The following PPARA variants were observed in gnomAD, a reference collection of about 807,000 sequenced individuals.
PPARA encodes the protein peroxisome proliferator-activated receptor alpha.
PPARA carries 22 observed loss-of-function variants against 42.2 expected under a neutral mutation model. The observed-to-expected ratio is 0.52, with a 90% CI of 0.37 to 0.74. PPARA has a LOEUF of 0.74. Ranked by LOEUF, PPARA falls within the 30% of genes least tolerant of loss-of-function variation. The pLI is 0.00. For synonymous variants in PPARA, 242 were observed against 239.3 expected, an observed-to-expected ratio of 1.01 and a Z score of -0.10; for missense variants, 465 against 608.2, an observed-to-expected ratio of 0.76 and a Z score of 2.48.
Position 46,241,151 on chromosome 22 carries a change from G to T in PPARA, c.*5771G>T, listed in dbSNP as rs1936360618. 1.3e-5 allele frequency: 2 copies of T among 152,246 alleles called. No individual in the cohort carries two copies. Among genetic ancestry groups the T allele is most frequent in the African/African-American group, 4.8e-5 (2 of 41,466 alleles). 9.4% of individuals were successfully genotyped at this position (152,246 alleles called of 1,614,324 possible). On this transcript the variant is annotated 3_prime_UTR_variant, in exon 9 of 9. Coordinates refer to ENST00000407236, the MANE Select transcript of PPARA (RefSeq NM_005036.6). The surrounding 1 kb of genome is among the most constrained non-coding windows in gnomAD (Gnocchi z 5.7). The stretch of plus-strand genomic sequence containing the variant: ...CTTTGCCCAGGGCATGTACTCCCCT[G>T]AGAGGCCTTCTGCCTAGAAAGATCT...
rs1479204382 is a variant in PPARA at position 46,182,539 on chromosome 22, G to C, written c.-43+5703G>C. Among the ~76,000 whole-genome samples the C allele has an allele frequency of 6.6e-6, 1 of 152,222 alleles. No individual in the cohort carries two copies. The highest frequency in any genetic ancestry group is 1.5e-5 in the Non-Finnish European group (1 of 68,044). On this transcript the variant is annotated intron_variant, in intron 3 of 8. Transcript: ENST00000407236. The surrounding 1 kb of genome is among the most constrained non-coding windows in gnomAD (Gnocchi z 5.2). ...ATCTGTAATGACAGGAAGCAGACCA[G>C]TGACAGTGGGCATGGAGGGGCAAGA...
Position 46,211,265 on chromosome 22 carries a change from C to T in PPARA, c.209-3908C>T, listed in dbSNP as rs753377799. On this transcript the variant is annotated intron_variant, in intron 4 of 8. Transcript: ENST00000407236. This position sits in a 1 kb window ranked among gnomAD's most constrained non-coding sequence, Gnocchi z 4.1. ...TCTGTTACCAGATGGATCGTTCTAG[C>T]CTCCTCCACTTGCCTACCTGTCAAT... Among the ~76,000 whole-genome samples the T allele has an allele frequency of 3.3e-5, 5 of 152,184 alleles. No homozygotes were observed. Among genetic ancestry groups the T allele is most frequent in the Non-Finnish European group, 2.9e-5 (2 of 68,040 alleles).
chr22:46,213,771 A>G (rs1934174234), intron 4 of PPARA, among the ~76,000 whole-genome samples: 1 of 151,918 alleles, frequency 6.6e-6, no homozygotes, highest in African/African-American at 2.4e-5. Flanking sequence ...TTGTGTTTTT[A>G]GTAGAGACGG....
At position 46,176,992 on chromosome 22, in the gene PPARA, C is replaced by T. The variant is rs541629520; in HGVS notation, c.-43+156C>T. On this transcript the variant is annotated intron_variant, in intron 3 of 8. Transcript: ENST00000407236. ...TTGGGGGGCCAAGGCGGGCAGATCA[C>T]GAGGTTAGGAGATTGAGACCATCCT... Among the ~76,000 whole-genome samples the T allele has an allele frequency of 1.5e-3, 224 of 152,284 alleles. 1 individual carries two copies. Among genetic ancestry groups the T allele is most frequent in the South Asian group, 2.9e-3 (14 of 4,822 alleles).
rs1666290715 is a variant in PPARA at position 46,205,547 on chromosome 22, TA to T, written c.208+6957del. Among the ~76,000 whole-genome samples the T allele has an allele frequency of 4.8e-3, 177 of 37,032 alleles. 1 individual carries two copies. Among genetic ancestry groups the T allele is most frequent in the Non-Finnish European group, 6.3e-3 (124 of 19,738 alleles). The allele number at this position is 37,032 out of a possible 152,430, so 24.3% of individuals were successfully genotyped here. A position where few individuals can be genotyped will look rare whatever the true frequency, so the allele number is the denominator to read the frequency against. On this transcript the variant is annotated intron_variant, in intron 4 of 8. Transcript: ENST00000407236. ...ATATATATATATATATATATATATATATATATATTTTTTTTTTTTTTTTTTT... is the reference window on the plus strand; with the variant it reads ...ATATATATATATATATATATATATATTATATATTTTTTTTTTTTTTTTTTT...
In PPARA at chr22:46,231,081, G is replaced by A. The variant is rs991875356; in HGVS notation, c.712-711G>A. 3.3e-5 allele frequency among the ~76,000 whole-genome samples: 5 copies of A among 151,730 alleles called. No homozygotes were observed. The highest frequency in any genetic ancestry group is 1.9e-4 in the East Asian group (1 of 5,178). ...TTTTTTGAGACGGAGTCTTACTCTCGCTCTGTCGCCCAGACTGGAGACTGG... is the reference window on the plus strand; with the variant it reads ...TTTTTTGAGACGGAGTCTTACTCTCACTCTGTCGCCCAGACTGGAGACTGG... On this transcript the variant is annotated intron_variant, in intron 7 of 8. Transcript: ENST00000407236. This position sits in a 1 kb window ranked among gnomAD's most constrained non-coding sequence, Gnocchi z 7.7.
rs1924272527 is a variant in PPARA, at chr22:46,150,741, G to T, written c.-210+89G>T. 6.7e-6 allele frequency: 1 copy of T among 150,276 alleles called. No individual in the cohort carries two copies. Among genetic ancestry groups the T allele is most frequent in the Admixed American group, 6.6e-5 (1 of 15,120 alleles). 9.3% of individuals were successfully genotyped at this position (150,276 alleles called of 1,614,324 possible). A position where few individuals can be genotyped will look rare whatever the true frequency, so the allele number is the denominator to read the frequency against. On this transcript the variant is annotated intron_variant, in intron 1 of 8. Coordinates refer to ENST00000407236, the MANE Select transcript of PPARA (RefSeq NM_005036.6). The surrounding 1 kb of genome is among the most constrained non-coding windows in gnomAD (Gnocchi z 7.5). ...CAGGTCCCGGGACCCGGAGGGCGGC[G>T]GACGGGGGAGGGGCAGGGGCTGGGC... is the stretch of plus-strand genomic sequence containing the variant.
In PPARA at chr22:46,232,706, G is replaced by A. The variant is rs890348619; in HGVS notation, c.1159+467G>A. 9.9e-5 allele frequency among the ~76,000 whole-genome samples: 15 copies of A among 150,900 alleles called. No homozygotes were observed. The highest frequency in any genetic ancestry group is 2.6e-4 in the Admixed American group (4 of 15,112). Reference sequence around the variant, plus strand: ...ATATATATATAGAGAAAAAGAGGTCGGACATGGGCCTGTAATCCCAGCCCT... The same window carrying A: ...ATATATATATAGAGAAAAAGAGGTCAGACATGGGCCTGTAATCCCAGCCCT... On this transcript the variant is annotated intron_variant, in intron 8 of 8. Coordinates refer to ENST00000407236, the MANE Select transcript of PPARA (RefSeq NM_005036.6). This position sits in a 1 kb window ranked among gnomAD's most constrained non-coding sequence, Gnocchi z 5.3.
At chr22:46,217,975 C>T (rs774029660) in intron 5 of PPARA, among the ~76,000 whole-genome samples, 5 of 151,646 alleles carry the variant, frequency 3.3e-5, no homozygotes, top group Non-Finnish European at 7.4e-5. Context: ...GGACTACAGA[C>T]TTACATCACC....
chr22:46,235,243 C>G lies in PPARA; in HGVS notation c.1270C>G (p.Pro424Ala). The part of the protein sequence containing the change: ...SNHPDDIFLF[P>A]KLLQKMADLR... ...CCACCCGGACGATATCTTTCTCTTC[C>G]CAAAACTTCTTCAAAAAATGGCAGA... Residue 424 changes from proline (P) to alanine (A), a missense_variant, in exon 9 of 9, where the codon CCA (proline) becomes GCA (alanine). By Grantham distance (27) the Pro-to-Ala change is conservative (BLOSUM62 -1). Coordinates refer to ENST00000407236, the MANE Select transcript of PPARA (RefSeq NM_005036.6). This position sits in a 1 kb window ranked among gnomAD's most constrained non-coding sequence, Gnocchi z 7.0. The G allele has an allele frequency of 6.2e-7, 1 of 1,614,046 alleles. No individual in the cohort carries two copies. Among genetic ancestry groups the G allele is most frequent in the Non-Finnish European group, 8.5e-7 (1 of 1,180,040 alleles).
chr22:46,240,156 C>G lies in PPARA; in HGVS notation c.*4776C>G. The G allele has an allele frequency of 2.5e-6, 1 of 398,670 alleles. No homozygotes were observed. The highest frequency in any genetic ancestry group is 4.4e-6 in the Non-Finnish European group (1 of 226,146). The allele number at this position is 398,670 out of a possible 1,614,324, so 24.7% of individuals were successfully genotyped here. On this transcript the variant is annotated 3_prime_UTR_variant, in exon 9 of 9. Transcript: ENST00000407236. The surrounding 1 kb of genome is among the most constrained non-coding windows in gnomAD (Gnocchi z 6.0). The stretch of plus-strand genomic sequence containing the variant: ...TGGCCTTTCAAAATGCAGATGCCAC[C>G]AGGAGAACATGCCCACAGCTCACCA...
rs987083666 is a variant in PPARA, at chr22:46,227,252, A to T, written c.712-4540A>T. 2.6e-5 allele frequency among the ~76,000 whole-genome samples: 4 copies of T among 151,738 alleles called. No homozygotes were observed. Among genetic ancestry groups the T allele is most frequent in the Admixed American group, 6.6e-5 (1 of 15,218 alleles). ...TACCAGTGCTTCACATTTATTTTTT[A>T]TTTATTTATTTATTTTTGAGACTGA... On this transcript the variant is annotated intron_variant, in intron 7 of 8. Coordinates refer to ENST00000407236, the MANE Select transcript of PPARA (RefSeq NM_005036.6). This position sits in a 1 kb window ranked among gnomAD's most constrained non-coding sequence, Gnocchi z 4.3.
chr22:46,177,419 G>A (rs4253674), intron 3 of PPARA, among the ~76,000 whole-genome samples: 4,893 of 143,676 alleles, frequency 0.034, 214 homozygotes, highest in African/African-American at 0.1. Flanking sequence ...AGCTGAGACC[G>A]TGCCACTGCA....
intron 4 of PPARA, among the ~76,000 whole-genome samples, chr22:46,214,823 G>C (rs1346260761): frequency 6.7e-6 from 1 of 150,216 alleles, no homozygotes; most frequent in African/African-American, 2.5e-5. Flanking sequence ...TGGGAATGAG[G>C]AGATGTGCGG....
At chr22:46,217,842 TTTTTTTG>T (rs1324340718) in intron 5 of PPARA, among the ~76,000 whole-genome samples, 2 of 117,318 alleles carry the variant, frequency 1.7e-5, no homozygotes, top group East Asian at 2.6e-4. Context: ...TTTTTTTTTT[TTTTTTTG>T]AGATGGAGTC....
chr22:46,153,368 C>T (rs183331879), intron 2 of PPARA, among the ~76,000 whole-genome samples: 4 of 151,972 alleles, frequency 2.6e-5, no homozygotes, highest in Middle Eastern at 3.4e-3. Flanking sequence ...TGGGTTTCAC[C>T]ATGTTGGCTG....
At position 46,243,004 on chromosome 22, in the gene PPARA, A is replaced by G. The variant is rs1936417724; in HGVS notation, c.*7624A>G. On this transcript the variant is annotated 3_prime_UTR_variant, in exon 9 of 9. Coordinates refer to ENST00000407236, the MANE Select transcript of PPARA (RefSeq NM_005036.6). The surrounding 1 kb of genome is among the most constrained non-coding windows in gnomAD (Gnocchi z 5.0). ...AGGGAACTGTTACCTATGGGTTATTACCAAAGAACGCTGGCAATTGGAAAT... is the reference window on the plus strand; with the variant it reads ...AGGGAACTGTTACCTATGGGTTATTGCCAAAGAACGCTGGCAATTGGAAAT... 6.6e-6 allele frequency: 1 copy of G among 152,622 alleles called. No homozygotes were observed. The highest frequency in any genetic ancestry group is 1.5e-5 in the Non-Finnish European group (1 of 68,032). 9.5% of individuals were successfully genotyped at this position (152,622 alleles called of 1,614,324 possible). A position where few individuals can be genotyped will look rare whatever the true frequency, so the allele number is the denominator to read the frequency against.
chr22:46,230,406 T>C lies in PPARA; in HGVS notation c.712-1386T>C, dbSNP rs1355519683. Among the ~76,000 whole-genome samples the C allele has an allele frequency of 2.6e-5, 4 of 152,148 alleles. No individual in the cohort carries two copies. The highest frequency in any genetic ancestry group is 1.3e-4 in the Admixed American group (2 of 15,268). On this transcript the variant is annotated intron_variant, in intron 7 of 8. Transcript: ENST00000407236. This position sits in a 1 kb window ranked among gnomAD's most constrained non-coding sequence, Gnocchi z 5.0. ...AGAAATAACACCTTAGCCCACTGCA[T>C]TATTGACCTGTGTCTGCATGAGCTG...
chr22:46,186,868 C>G (rs1443346711), intron 3 of PPARA, among the ~76,000 whole-genome samples: 1 of 151,966 alleles, frequency 6.6e-6, no homozygotes, highest in Middle Eastern at 3.2e-3. Context: ...ATGTTTTTTC[C>G]CTGTATATGC....
Sources: allele counts gnomAD v4.1 joint callset (sites outside exome capture counted in the v4.1 genomes callset), GRCh38; gene constraint gnomAD v4.1.1; non-coding constraint Gnocchi (gnomAD v3.1); transcripts MANE v1.5; gene names NCBI Gene and HGNC (gene_info 2026-07-23, HGNC 2026-07-21).